The following ARID1B variants were observed in gnomAD, a reference collection of about 807,000 sequenced individuals.
ARID1B encodes the protein AT-rich interactive domain-containing protein 1B.
Under a neutral mutation model 212.3 loss-of-function variants are expected in ARID1B, and 30 were observed. That is an observed-to-expected ratio of 0.14 (90% confidence interval 0.11 to 0.19). The LOEUF (loss-of-function observed/expected upper bound fraction) is 0.19. Among genes scored for constraint, ARID1B ranks in the 10% least tolerant of loss-of-function variants. ARID1B has a pLI of 1.00. For missense variants in ARID1B, 2,891 were observed against 3,204.0 expected (o/e 0.90, Z 2.36); for synonymous variants, 1,402 against 1,301.7 (o/e 1.08, Z -1.66).
At chr6:157,131,173 A>G (rs745479642) in intron 6 of ARID1B, among the ~76,000 whole-genome samples, 1 of 152,192 alleles carries the variant, frequency 6.6e-6, no homozygotes, top group Non-Finnish European at 1.5e-5. Flanking sequence ...AGAATTTAAC[A>G]TCCATTCATT....
intron 5 of ARID1B, among the ~76,000 whole-genome samples, chr6:157,100,158 CTTTCTGGT>C: frequency 6.6e-6 from 1 of 152,154 alleles, no homozygotes; most frequent in Non-Finnish European, 1.5e-5. Flanking sequence ...AAGAACATTA[CTTTCTGGT>C]TTATACTGCT....
intron 4 of ARID1B, among the ~76,000 whole-genome samples, chr6:157,008,951 A>C (rs1268734195): frequency 6.6e-6 from 1 of 152,178 alleles, no homozygotes; most frequent in Non-Finnish European, 1.5e-5. Flanking sequence ...CTTTAAGAAT[A>C]TAGTTTAGTT....
At chr6:157,022,071 A>G (rs1345750659) in intron 4 of ARID1B, among the ~76,000 whole-genome samples, 1 of 152,174 alleles carries the variant, frequency 6.6e-6, no homozygotes, top group Non-Finnish European at 1.5e-5. Context: ...TGACGGTGGA[A>G]AAGCCAGGAA....
intron 8 of ARID1B, among the ~76,000 whole-genome samples, chr6:157,162,415 C>T (rs1351263864): frequency 6.6e-6 from 1 of 152,098 alleles, no homozygotes; most frequent in Admixed American, 6.5e-5. Flanking sequence ...AAAGACAGCC[C>T]TTTGTTGGGA....
At chr6:156,933,246 A>C (rs1791897935) in intron 3 of ARID1B, among the ~76,000 whole-genome samples, 1 of 152,206 alleles carries the variant, frequency 6.6e-6, no homozygotes, top group Non-Finnish European at 1.5e-5. Flanking sequence ...TACTTTAAAA[A>C]AAAAAAAGTA....
At chr6:156,906,544 TCCAAAAA>T (rs1789395264) in intron 3 of ARID1B, among the ~76,000 whole-genome samples, 3 of 47,400 alleles carry the variant, frequency 6.3e-5, no homozygotes, top group African/African-American at 3.0e-4. Context: ...AAACTCCATC[TCCAAAAA>T]AAAAAAAAAA....
intron 6 of ARID1B, among the ~76,000 whole-genome samples, chr6:157,115,988 C>T (rs1413257871): frequency 6.6e-6 from 1 of 152,120 alleles, no homozygotes; most frequent in Non-Finnish European, 1.5e-5. Context: ...TTCAGATAAC[C>T]TTAAAATACT....
intron 5 of ARID1B, among the ~76,000 whole-genome samples, chr6:157,088,462 G>T (rs1394852350): frequency 1.3e-5 from 2 of 152,126 alleles, no homozygotes; most frequent in Non-Finnish European, 1.5e-5. Context: ...AAAAATGATT[G>T]TCTTCTATTT....
chr6:157,072,557 A>G (rs1374243695), intron 4 of ARID1B: 3 of 152,226 alleles, frequency 2.0e-5, no homozygotes, highest in African/African-American at 2.4e-5. Flanking sequence ...ATAAAATTGT[A>G]CTGTTTATAT....
chr6:157,133,357 T>A, intron 7 of ARID1B, 150 bp downstream of exon 7: 1 of 844,456 alleles, frequency 1.2e-6, no homozygotes, highest in Non-Finnish European at 1.7e-6. Context: ...AAGCCCACAG[T>A]ACTTTAGCTG....
chr6:156,927,508 TCCCCA>T (rs1791320101), intron 3 of ARID1B, among the ~76,000 whole-genome samples: 1 of 152,186 alleles, frequency 6.6e-6, no homozygotes, highest in Non-Finnish European at 1.5e-5. Context: ...AATGTCTTGA[TCCCCA>T]CCCCACCCCC....
intron 12 of ARID1B, among the ~76,000 whole-genome samples, chr6:157,183,397 G>A (rs566150706): frequency 2.6e-5 from 4 of 152,234 alleles, no homozygotes; most frequent in African/African-American, 9.6e-5. Flanking sequence ...AAAAACCACT[G>A]TCCCCTTACC....
rs191390691 is a variant in ARID1B, at chr6:157,180,206, C to T, written c.3505-763C>T. 1.9e-3 allele frequency among the ~76,000 whole-genome samples: 283 copies of T among 152,198 alleles called. 1 individual carries two copies. Among genetic ancestry groups the T allele is most frequent in the African/African-American group, 5.8e-3 (243 of 41,544 alleles). On this transcript the variant is annotated intron_variant, in intron 11 of 19. Coordinates refer to ENST00000636930, the MANE Select transcript of ARID1B (RefSeq NM_001374828.1). ...GGAGTAGGCTTCAGGTGTTCAGAAA[C>T]GGCAACTCTTGATATTTTAGTGTCA... is the stretch of plus-strand genomic sequence containing the variant.
At position 157,190,014 on chromosome 6, in the gene ARID1B, C is replaced by T; in HGVS notation, c.4059-24C>T. 6.2e-7 allele frequency: 1 copy of T among 1,611,142 alleles called. No homozygotes were observed. Among genetic ancestry groups the T allele is most frequent in the African/African-American group, 1.3e-5 (1 of 74,972 alleles). On this transcript the variant is annotated intron_variant, in intron 14 of 19. Transcript: ENST00000636930. This position sits in a 1 kb window ranked among gnomAD's most constrained non-coding sequence, Gnocchi z 4.6. ...AGGTAACTCCTGCTGTATCATTAAG[C>T]TTTCATTCTTTGCCTCTCTTCAGAA...
intron 1 of ARID1B, 74 bp downstream of exon 1, chr6:156,779,545 G>A: frequency 8.4e-7 from 1 of 1,196,726 alleles, no homozygotes; most frequent in Non-Finnish European, 1.0e-6. Flanking sequence ...TTCTTTCTTT[G>A]CCGCGTACTT....
intron 3 of ARID1B, among the ~76,000 whole-genome samples, chr6:156,906,341 A>G (rs555337982): frequency 6.6e-6 from 1 of 151,840 alleles, no homozygotes. Context: ...TGAGGTCAGG[A>G]GTTCGAGACC....
rs114256797 is a variant in ARID1B, at chr6:156,955,493, A to G, written c.2247+19917A>G. Among the ~76,000 whole-genome samples, 107 of 152,348 alleles carry G rather than the reference A, an allele frequency of 7.0e-4. No homozygotes were observed. Among genetic ancestry groups the G allele is most frequent in the African/African-American group, 2.5e-3 (102 of 41,582 alleles). On this transcript the variant is annotated intron_variant, in intron 4 of 19. Transcript: ENST00000636930. The surrounding 1 kb of genome is among the most constrained non-coding windows in gnomAD (Gnocchi z 4.2). ...TCCAGAATGACTTATTGTGGATTAT[A>G]TATGACTTCCAATGATGTAACACAT...
At chr6:156,852,569 T>C (rs993983576) in intron 2 of ARID1B, among the ~76,000 whole-genome samples, 5 of 152,178 alleles carry the variant, frequency 3.3e-5, no homozygotes, top group Middle Eastern at 3.4e-3. Context: ...TTTTTCCCCC[T>C]CTGAGCCCCC....
chr6:156,891,965 C>T (rs765801541), intron 2 of ARID1B, among the ~76,000 whole-genome samples: 16 of 150,982 alleles, frequency 1.1e-4, no homozygotes, highest in Non-Finnish European at 1.8e-4. Context: ...TCTGCCTCTC[C>T]GGTTCAAGCG....
Sources: gnomAD v4.1 joint callset for allele counts (sites outside exome capture counted in the v4.1 genomes callset) on GRCh38, gnomAD v4.1.1 for gene constraint, Gnocchi (gnomAD v3.1) non-coding constraint, MANE v1.5 for transcripts, NCBI Gene and HGNC (gene_info 2026-07-23, HGNC 2026-07-21) for gene names.